NF2: variants seen among roughly 807,000 people sequenced by gnomAD.
NF2 encodes NF2, moesin-ezrin-radixin like (MERLIN) tumor suppressor.
A neutral mutation model predicts 83.7 loss-of-function variants in NF2; 8 were observed. The ratio of observed to expected loss-of-function variants is 0.10; its 90% CI spans 0.06 to 0.17. The LOEUF (loss-of-function observed/expected upper bound fraction) is 0.17. Ranked by LOEUF, NF2 falls within the 10% of genes least tolerant of loss-of-function variation. The probability of loss-of-function intolerance (pLI) is 1.00; values close to 1 mark genes in which losing one functional copy is unlikely to be tolerated. For missense variants in NF2, 533 were observed against 744.4 expected, an observed-to-expected ratio of 0.72 and a Z score of 3.31; for synonymous variants, 266 against 269.6, an observed-to-expected ratio of 0.99 and a Z score of 0.13.
At chr22:29,652,104 T>G (rs2066165527) in intron 4 of NF2, among the ~76,000 whole-genome samples, 1 of 152,104 alleles carries the variant, frequency 6.6e-6, no homozygotes, top group African/African-American at 2.4e-5. Context: ...TGACCCTCAC[T>G]CTACAGATGA....
intron 8 of NF2, among the ~76,000 whole-genome samples, chr22:29,661,903 T>C (rs1276941880): frequency 6.6e-6 from 1 of 152,208 alleles, no homozygotes; most frequent in Non-Finnish European, 1.5e-5. Context: ...GTGTTTTGTG[T>C]GTGTATCTCT....
At chr22:29,643,820 G>T (rs894121440) in intron 4 of NF2, among the ~76,000 whole-genome samples, 26 of 152,156 alleles carry the variant, frequency 1.7e-4, no homozygotes, top group African/African-American at 5.8e-4. Context: ...CCTCCCAGAC[G>T]GGGTGGTGGC....
intron 1 of NF2, among the ~76,000 whole-genome samples, chr22:29,604,568 A>G (rs998059686): frequency 5.3e-5 from 8 of 152,246 alleles, no homozygotes; most frequent in Admixed American, 1.3e-4. Context: ...TACTTTCCAC[A>G]TAGTTTCCAA....
chr22:29,695,540 C>CTTTTTTAATGATACGG lies in NF2; in HGVS notation c.*738_*739insTTTTTTAATGATACGG. 4.2e-6 allele frequency: 1 copy of CTTTTTTAATGATACGG among 236,552 alleles called. No individual in the cohort carries two copies. Among genetic ancestry groups the CTTTTTTAATGATACGG allele is most frequent in the Non-Finnish European group, 8.3e-6 (1 of 120,084 alleles). 14.7% of individuals were successfully genotyped at this position (236,552 alleles called of 1,614,324 possible). On this transcript the variant is annotated 3_prime_UTR_variant, in exon 16 of 16. Coordinates refer to ENST00000338641, the MANE Select transcript of NF2 (RefSeq NM_000268.4). The surrounding 1 kb of genome is among the most constrained non-coding windows in gnomAD (Gnocchi z 5.4). The stretch of plus-strand genomic sequence containing the variant: ...GGCACTCGCTGTCCCCCTCCGGCCA[C>CTTTTTTAATGATACGG]CCTAGACCAGGGTCCGAGAGGCAGG...
intron 15 of NF2, among the ~76,000 whole-genome samples, chr22:29,690,361 T>C (rs1014286164): frequency 1.4e-4 from 22 of 152,192 alleles, no homozygotes; most frequent in Admixed American, 2.6e-4. Context: ...ACACACAATT[T>C]GGGGAGCGTA....
intron 1 of NF2, among the ~76,000 whole-genome samples, chr22:29,615,805 A>G (rs1159547867): frequency 2.0e-5 from 3 of 152,208 alleles, no homozygotes. Context: ...ATATAACCCC[A>G]CAATTCAACT....
At chr22:29,679,641 C>A (rs1281730942) in intron 14 of NF2, among the ~76,000 whole-genome samples, 1 of 152,012 alleles carries the variant, frequency 6.6e-6, no homozygotes, top group African/African-American at 2.4e-5. Context: ...CCAAGGGGGG[C>A]AGATCTCTTG....
At chr22:29,661,442 T>G (rs1381033046) in intron 8 of NF2, 103 bp downstream of exon 8, 2 of 1,512,392 alleles carry the variant, frequency 1.3e-6, no homozygotes, top group Non-Finnish European at 1.8e-6. Context: ...ATTCATAGAG[T>G]CCTTTAATTC....
intron 8 of NF2, among the ~76,000 whole-genome samples, 175 bp from the exon 9 acceptor site, chr22:29,664,815 C>T (rs571991326): frequency 1.4e-4 from 21 of 152,328 alleles, no homozygotes; most frequent in African/African-American, 4.6e-4. Context: ...TTCCACAGCC[C>T]GAGACTTGGT....
At chr22:29,666,844 C>T (rs781351933) in intron 9 of NF2, among the ~76,000 whole-genome samples, 5 of 151,804 alleles carry the variant, frequency 3.3e-5, no homozygotes, top group African/African-American at 4.8e-5. Context: ...GGCGTGGTGG[C>T]GCATGCCTAT....
chr22:29,637,156 T>G (rs2065671766), intron 2 of NF2, among the ~76,000 whole-genome samples: 1 of 152,238 alleles, frequency 6.6e-6, no homozygotes, highest in African/African-American at 2.4e-5. Flanking sequence ...CTTTATGCCT[T>G]TCAGTTTATG....
At chr22:29,607,104 G>A (rs967369729) in intron 1 of NF2, among the ~76,000 whole-genome samples, 4 of 152,148 alleles carry the variant, frequency 2.6e-5, no homozygotes, top group Admixed American at 6.6e-5. Flanking sequence ...TGTCCTGGTT[G>A]TATCATTATA....
rs1419296728 is a variant in NF2, at chr22:29,697,319, G to A, written c.*2517G>A. 2 of 202,314 alleles carry A rather than the reference G, an allele frequency of 9.9e-6. No individual in the cohort carries two copies. The highest frequency in any genetic ancestry group is 2.0e-5 in the Non-Finnish European group (2 of 98,306). The allele number at this position is 202,314 out of a possible 1,614,324, so 12.5% of individuals were successfully genotyped here. A position where few individuals can be genotyped will look rare whatever the true frequency, so the allele number is the denominator to read the frequency against. On this transcript the variant is annotated 3_prime_UTR_variant, in exon 16 of 16. Transcript: ENST00000338641. ...CAAGCCACGCGGCCTCAAGGGAGCT[G>A]GCTGGTGTTTGAGCTGTGGCAGAAG...
At chr22:29,654,348 G>A (rs1402884292) in intron 4 of NF2, among the ~76,000 whole-genome samples, 2 of 152,148 alleles carry the variant, frequency 1.3e-5, no homozygotes, top group Admixed American at 6.5e-5. Context: ...TAATTCAAAA[G>A]CTACTGTTTT....
In NF2 at chr22:29,681,293, C is replaced by G. The variant is rs1257902785; in HGVS notation, c.1575-146C>G. ...CATTTAAGTGACCAGCCCAAGCTCC[C>G]ATGGCCTGTGAGTGGCCAAGTAGAG... is the stretch of plus-strand genomic sequence containing the variant. On this transcript the variant is annotated intron_variant, in intron 14 of 15. Transcript: ENST00000338641. The G allele has an allele frequency of 9.1e-6, 8 of 880,184 alleles. No homozygotes were observed. The Admixed American group carries it at 1.1e-4, about 12-fold the overall frequency. 54.5% of individuals were successfully genotyped at this position (880,184 alleles called of 1,614,324 possible).
At chr22:29,686,187 G>A (rs1398088590) in intron 15 of NF2, among the ~76,000 whole-genome samples, 1 of 152,232 alleles carries the variant, frequency 6.6e-6, no homozygotes, top group Admixed American at 6.5e-5. Flanking sequence ...AGCTCAGTAA[G>A]GGGTTAAAAC....
intron 1 of NF2, among the ~76,000 whole-genome samples, chr22:29,624,346 T>C (rs2065288109): frequency 6.6e-6 from 1 of 152,162 alleles, no homozygotes; most frequent in African/African-American, 2.4e-5. Context: ...TAGCTGGGAT[T>C]ATAGGAGTGC....
intron 2 of NF2, among the ~76,000 whole-genome samples, chr22:29,638,034 A>C (rs922196360): frequency 6.6e-6 from 1 of 152,240 alleles, no homozygotes; most frequent in Non-Finnish European, 1.5e-5. Context: ...GACTGGGGGC[A>C]TCAGGAGCCG....
chr22:29,665,942 G>T (rs572379805), intron 9 of NF2, among the ~76,000 whole-genome samples: 3 of 152,044 alleles, frequency 2.0e-5, no homozygotes, highest in South Asian at 2.1e-4. Context: ...TATGGCAAAA[G>T]AAAAATACCA....
Sources: gnomAD v4.1 joint callset for allele counts (sites outside exome capture counted in the v4.1 genomes callset) on GRCh38, gnomAD v4.1.1 for gene constraint, Gnocchi (gnomAD v3.1) non-coding constraint, MANE v1.5 for transcripts, NCBI Gene and HGNC (gene_info 2026-07-23, HGNC 2026-07-21) for gene names.